Variants in PIBF1 observed in about 807,000 individuals in gnomAD.
The protein encoded by PIBF1 is progesterone immunomodulatory binding factor 1.
In PIBF1, 90 loss-of-function variants were observed where a neutral mutation model predicts 112.5. That is an observed-to-expected ratio of 0.80 (90% CI 0.67 to 0.95). The LOEUF (loss-of-function observed/expected upper bound fraction) is 0.95. PIBF1 is among the 40% of genes least tolerant of loss of function. The probability of loss-of-function intolerance (pLI) is 0.00; values close to 1 mark genes in which losing one functional copy is unlikely to be tolerated. For missense variants in PIBF1, 915 were observed against 852.3 expected (o/e 1.07, Z -0.92); for synonymous variants, 301 against 288.6 (o/e 1.04, Z -0.44).
chr13:72,981,393 A>C (rs1205976371), intron 16 of PIBF1, among the ~76,000 whole-genome samples: 1 of 152,120 alleles, frequency 6.6e-6, no homozygotes, highest in Non-Finnish European at 1.5e-5. Context: ...CAAAAGAAAG[A>C]GATAATCAAT....
intron 4 of PIBF1, among the ~76,000 whole-genome samples, chr13:72,796,221 A>G (rs2035185347): frequency 6.6e-6 from 1 of 152,162 alleles, no homozygotes; most frequent in Admixed American, 6.5e-5. Flanking sequence ...TCCACTGAAC[A>G]GTCATGAGAG....
intron 12 of PIBF1, among the ~76,000 whole-genome samples, chr13:72,912,631 T>C (rs1286506053): frequency 6.6e-6 from 1 of 152,156 alleles, no homozygotes; most frequent in Non-Finnish European, 1.5e-5. Context: ...GAAGAAAGCA[T>C]ATGCACCTTA....
At chr13:72,932,479 G>A (rs2041742092) in intron 14 of PIBF1, among the ~76,000 whole-genome samples, 1 of 152,162 alleles carries the variant, frequency 6.6e-6, no homozygotes, top group Non-Finnish European at 1.5e-5. Flanking sequence ...GTTAATGCTT[G>A]GGGTTGACAC....
chr13:72,888,222 C>T lies in PIBF1; in HGVS notation c.1323-5562C>T, dbSNP rs1225986113. Among the ~76,000 whole-genome samples the T allele has an allele frequency of 3.3e-5, 5 of 151,968 alleles. No individual in the cohort carries two copies. The East Asian group carries it at 9.7e-4, about 29-fold the overall frequency. ...TTGTTGAGAATGGAAAATTATGAGG[C>T]CAATTGAAAATCTTATTTTTGAAGG... On this transcript the variant is annotated intron_variant, in intron 10 of 17. Transcript: ENST00000326291.
At chr13:72,793,013 G>A (rs887210164) in intron 3 of PIBF1, among the ~76,000 whole-genome samples, 5 of 152,096 alleles carry the variant, frequency 3.3e-5, no homozygotes, top group Non-Finnish European at 7.4e-5. Context: ...TCTTTGGAAC[G>A]ATTCAATAAA....
At chr13:72,978,057 T>C (rs957597987) in intron 16 of PIBF1, among the ~76,000 whole-genome samples, 2 of 152,178 alleles carry the variant, frequency 1.3e-5, no homozygotes, top group African/African-American at 4.8e-5. Flanking sequence ...TGAGAGCTTA[T>C]ACCTGCCCAC....
At chr13:72,796,665 TA>T (rs372205778) in intron 4 of PIBF1, among the ~76,000 whole-genome samples, 75 of 143,324 alleles carry the variant, frequency 5.2e-4, no homozygotes, top group Admixed American at 1.2e-3. Context: ...TTTTTTTTTT[TA>T]AAAGGCTCAA....
At chr13:72,952,777 T>C (rs1043152472) in intron 14 of PIBF1, among the ~76,000 whole-genome samples, 20 of 151,720 alleles carry the variant, frequency 1.3e-4, no homozygotes, top group African/African-American at 4.8e-4. Flanking sequence ...TCTCAGATGC[T>C]GATGATAGTA....
intron 16 of PIBF1, among the ~76,000 whole-genome samples, chr13:72,983,004 T>C (rs931281106): frequency 9.5e-4 from 145 of 152,336 alleles, no homozygotes; most frequent in African/African-American, 3.4e-3. Flanking sequence ...ATCACACTTA[T>C]ACAGAATCAT....
chr13:72,990,733 A>G (rs1301983133), intron 16 of PIBF1, among the ~76,000 whole-genome samples: 2 of 151,056 alleles, frequency 1.3e-5, no homozygotes, highest in African/African-American at 4.9e-5. Context: ...CTGTAATCCC[A>G]GCTACTCAGG....
In PIBF1 at chr13:72,908,608, G is replaced by A. The variant is rs763988138; in HGVS notation, c.1566G>A (p.Glu522=). The A allele has an allele frequency of 6.2e-7, 1 of 1,612,796 alleles. No individual in the cohort carries two copies. Residue 522 remains glutamate, a synonymous_variant, in exon 12 of 18, where the codon GAG becomes GAA. Transcript: ENST00000326291. Reference sequence around the variant, plus strand: ...CTGAACTTCAAGCACAGAACTCAGAGCATCAAGCAAGGCTAGACATTTATG... The same window carrying A: ...CTGAACTTCAAGCACAGAACTCAGAACATCAAGCAAGGCTAGACATTTATG... ...RITELQAQNS[E]HQARLDIYEK... is the part of the protein sequence containing the mutation.
At position 72,876,134 on chromosome 13, in the gene PIBF1, C is replaced by CTTTTTTTTTTTTTTTTTTTTTTTTTTTT. The variant is rs386363749; in HGVS notation, c.1323-17631_1323-17630insTTTTTTTTTTTTTTTTTTTTTTTTTTTT. ...AAAGGTGTAAGTCTGTGTTCAGATT[C>CTTTTTTTTTTTTTTTTTTTTTTTTTTTT]TTTTTTTTTTTTTTTTTTTGCATGT... is the stretch of plus-strand genomic sequence containing the variant. On this transcript the variant is annotated intron_variant, in intron 10 of 17. Transcript: ENST00000326291. Among the ~76,000 whole-genome samples, 4 of 91,214 alleles carry CTTTTTTTTTTTTTTTTTTTTTTTTTTTT rather than the reference C, an allele frequency of 4.4e-5. 1 individual carries two copies. Among genetic ancestry groups the CTTTTTTTTTTTTTTTTTTTTTTTTTTTT allele is most frequent in the Admixed American group, 1.6e-4 (1 of 6,292 alleles). 59.8% of individuals were successfully genotyped at this position (91,214 alleles called of 152,430 possible). A position where few individuals can be genotyped will look rare whatever the true frequency, so the allele number is the denominator to read the frequency against.
intron 10 of PIBF1, among the ~76,000 whole-genome samples, chr13:72,875,639 A>G (rs1432003611): frequency 6.6e-6 from 1 of 152,136 alleles, no homozygotes; most frequent in Non-Finnish European, 1.5e-5. Flanking sequence ...TTTCTAATAC[A>G]TGTATAGTGG....
intron 14 of PIBF1, among the ~76,000 whole-genome samples, chr13:72,950,980 G>A (rs1395649370): frequency 6.6e-6 from 1 of 152,192 alleles, no homozygotes; most frequent in Non-Finnish European, 1.5e-5. Context: ...TCTGAAAGTG[G>A]CCAATCAGCA....
At chr13:72,987,449 TAG>T (rs1294928169) in intron 16 of PIBF1, among the ~76,000 whole-genome samples, 1 of 151,986 alleles carries the variant, frequency 6.6e-6, no homozygotes, top group African/African-American at 2.4e-5. Context: ...CTTAATTGTA[TAG>T]AGAGACTGGG....
intron 9 of PIBF1, among the ~76,000 whole-genome samples, chr13:72,840,104 A>G (rs2138233353): frequency 1.3e-5 from 2 of 152,360 alleles, no homozygotes; most frequent in Middle Eastern, 6.8e-3. Flanking sequence ...AGCTAGGTGT[A>G]CAGGCTTGCC....
chr13:72,879,946 T>C (rs1252493721), intron 10 of PIBF1, among the ~76,000 whole-genome samples: 2 of 152,254 alleles, frequency 1.3e-5, no homozygotes, highest in Non-Finnish European at 2.9e-5. Flanking sequence ...ATTTGAGTTG[T>C]TGCAACAGAA....
intron 5 of PIBF1, among the ~76,000 whole-genome samples, chr13:72,811,228 C>T (rs117796968): frequency 6.6e-6 from 1 of 152,244 alleles, no homozygotes; most frequent in East Asian, 1.9e-4. Flanking sequence ...GACCACAAAT[C>T]ATTTTTTAAG....
rs554377965 is a variant in PIBF1, at chr13:72,789,070, T to C, written c.253-3377T>C. On this transcript the variant is annotated intron_variant, in intron 2 of 17. Coordinates refer to ENST00000326291, the MANE Select transcript of PIBF1 (RefSeq NM_006346.4). Reference sequence around the variant, plus strand: ...GAAAAGCTACTCAGAAGAGTAGCTATTCAGGCCAAACTTCCTGATAGTAGA... The same window carrying C: ...GAAAAGCTACTCAGAAGAGTAGCTACTCAGGCCAAACTTCCTGATAGTAGA... Among the ~76,000 whole-genome samples the C allele has an allele frequency of 3.3e-5, 5 of 152,336 alleles. No individual in the cohort carries two copies. The South Asian group carries it at 8.3e-4, about 25-fold the overall frequency.
Sources: gnomAD v4.1 joint callset for allele counts (sites outside exome capture counted in the v4.1 genomes callset) on GRCh38, gnomAD v4.1.1 for gene constraint, MANE v1.5 for transcripts, NCBI Gene and HGNC (gene_info 2026-07-23, HGNC 2026-07-21) for gene names.